EXD3: variants seen among roughly 807,000 people sequenced by gnomAD.
The protein encoded by EXD3 is exonuclease mut-7 homolog.
EXD3 carries 92 observed loss-of-function variants against 98.0 expected under a neutral mutation model. The ratio of observed to expected loss-of-function variants is 0.94; its 90% CI spans 0.79 to 1.12. The LOEUF is 1.12. Among genes scored for constraint, EXD3 ranks in the 50% most tolerant of loss-of-function variants. The pLI is 0.00. For synonymous variants in EXD3, 569 were observed against 526.0 expected, an observed-to-expected ratio of 1.08 and a Z score of -1.12; for missense variants, 1,222 against 1,191.6, an observed-to-expected ratio of 1.03 and a Z score of -0.38.
At chr9:137,363,584 T>C (rs1009049974) in intron 7 of EXD3, among the ~76,000 whole-genome samples, 2 of 151,998 alleles carry the variant, frequency 1.3e-5, no homozygotes, top group African/African-American at 4.8e-5. Context: ...GTGATCCGCC[T>C]GCCTCGGCCT....
At chr9:137,350,708 G>A (rs931317707) in intron 14 of EXD3, among the ~76,000 whole-genome samples, 3 of 151,514 alleles carry the variant, frequency 2.0e-5, no homozygotes, top group African/African-American at 4.9e-5. Flanking sequence ...TGGGGATCAC[G>A]GGGAGGGGGC....
rs113536945 is a variant in EXD3 at position 137,357,786 on chromosome 9, C to T, written c.657-1418G>A. ...TGAGTTTATTAAGTATTAACTCACA[C>T]GATCACAGGGTCCCACAATAGGCCA... On this transcript the variant is annotated intron_variant, in intron 7 of 21. Coordinates refer to ENST00000340951, the MANE Select transcript of EXD3 (RefSeq NM_017820.5). Among the ~76,000 whole-genome samples, 585 of 151,470 alleles carry T rather than the reference C, an allele frequency of 3.9e-3. 3 individuals carry two copies. The highest frequency in any genetic ancestry group is 0.013 in the African/African-American group (527 of 41,264).
chr9:137,346,757 C>T (rs113081539), intron 17 of EXD3, among the ~76,000 whole-genome samples: 6,564 of 143,962 alleles, frequency 0.046, 294 homozygotes, highest in Non-Finnish European at 0.062. Context: ...AAACTACTTC[C>T]GCATGTTTAG....
intron 3 of EXD3, chr9:137,374,784 G>A (rs1261599088): frequency 3.0e-5 from 30 of 985,348 alleles, no homozygotes; most frequent in South Asian, 4.7e-5. Flanking sequence ...AAGGAAAGCC[G>A]CCCTTAAACA....
Position 137,371,301 on chromosome 9 carries a change from G to T in EXD3, c.462+1604C>A, listed in dbSNP as rs1382073479. Among the ~76,000 whole-genome samples the T allele has an allele frequency of 6.6e-6, 1 of 152,210 alleles. No individual in the cohort carries two copies. The highest frequency in any genetic ancestry group is 1.5e-5 in the Non-Finnish European group (1 of 68,020). ...TCCATCCTGCATTGTCCTGTGCCGG[G>T]ACATGGTGGCTTCTCAGCGCCATGC... On this transcript the variant is annotated intron_variant, in intron 5 of 21. Transcript: ENST00000340951. The surrounding 1 kb of genome is among the most constrained non-coding windows in gnomAD (Gnocchi z 8.0).
rs1837250357 is a variant in EXD3 at position 137,397,038 on chromosome 9, AG to A, written c.-47-1635del. On this transcript the variant is annotated intron_variant, in intron 1 of 21. Transcript: ENST00000340951. ...CTGGGGCAGTGAGTGTGTGGGCAGG[AG>A]GACCCCCGAGCCTCCCAGGACCCGC... 4.6e-5 allele frequency among the ~76,000 whole-genome samples: 7 copies of A among 152,192 alleles called. No individual in the cohort carries two copies. The South Asian group carries it at 1.4e-3, about 31-fold the overall frequency.
In EXD3 at chr9:137,373,493, A is replaced by G. The variant is rs1564523469; in HGVS notation, c.227T>C (p.Leu76Pro). The change falls in exon 4 of 22, where the codon CTG becomes CCG. Residue 76 changes from leucine (L) to proline (P), a missense_variant. Coordinates refer to ENST00000340951, the MANE Select transcript of EXD3 (RefSeq NM_017820.5). ...CRGQRGEGPSLAAWISHQLQC... is the reference protein window; with the variant it reads ...CRGQRGEGPSPAAWISHQLQC... The stretch of plus-strand genomic sequence containing the variant: ...CAGCTGGTGGGAGATCCAGGCCGCC[A>G]GGGAGGGGCCCTCTCCCCGCTGGCC... The G allele has an allele frequency of 6.2e-7, 1 of 1,608,486 alleles. No homozygotes were observed. Among genetic ancestry groups the G allele is most frequent in the South Asian group, 1.1e-5 (1 of 90,250 alleles).
Position 137,355,613 on chromosome 9 carries a change from A to AG in EXD3, c.757+654dup, listed in dbSNP as rs1564508792. Among the ~76,000 whole-genome samples the AG allele has an allele frequency of 1.2e-4, 6 of 49,950 alleles. 1 individual carries two copies. Among genetic ancestry groups the AG allele is most frequent in the Non-Finnish European group, 1.4e-4 (4 of 27,976 alleles). 32.8% of individuals were successfully genotyped at this position (49,950 alleles called of 152,430 possible). A position where few individuals can be genotyped will look rare whatever the true frequency, so the allele number is the denominator to read the frequency against. Reference sequence around the variant, plus strand: ...GAAAGGGCGGAAGGAGAAAGGAGGAAGGAGGAAGGGAGGATGGAGGAAGGA... The same window carrying AG: ...GAAAGGGCGGAAGGAGAAAGGAGGAAGGGAGGAAGGGAGGATGGAGGAAGGA... On this transcript the variant is annotated intron_variant, in intron 8 of 21. Coordinates refer to ENST00000340951, the MANE Select transcript of EXD3 (RefSeq NM_017820.5).
intron 3 of EXD3, among the ~76,000 whole-genome samples, chr9:137,381,415 CAAAAAAA>C (rs61183889): frequency 3.9e-5 from 2 of 50,848 alleles, no homozygotes. Context: ...GACTCCTTCT[CAAAAAAA>C]AAAAAAAAAA....
intron 1 of EXD3, among the ~76,000 whole-genome samples, chr9:137,406,702 C>A (rs1450576743): frequency 1.3e-5 from 2 of 152,176 alleles, no homozygotes; most frequent in Non-Finnish European, 2.9e-5. Context: ...ACGGGCACTC[C>A]CAGCGGCTTC....
At chr9:137,325,077 T>A (rs892757681) in intron 17 of EXD3, among the ~76,000 whole-genome samples, 3 of 152,182 alleles carry the variant, frequency 2.0e-5, no homozygotes, top group Non-Finnish European at 4.4e-5. Context: ...TTATATATAT[T>A]TTTAAAAGTG....
At chr9:137,311,199 C>T (rs1388188163) in intron 19 of EXD3, among the ~76,000 whole-genome samples, 1 of 152,230 alleles carries the variant, frequency 6.6e-6, no homozygotes, top group East Asian at 1.9e-4. Context: ...TCCTCTTCCG[C>T]TAGCTCCCAT....
At chr9:137,313,974 C>A (rs1395768875) in intron 19 of EXD3, among the ~76,000 whole-genome samples, 1 of 152,138 alleles carries the variant, frequency 6.6e-6, no homozygotes. Context: ...GGGATGCTGG[C>A]GGGGGTCGCC....
intron 2 of EXD3, 54 bp from the exon 3 acceptor site, chr9:137,383,431 G>C: frequency 7.4e-7 from 1 of 1,353,506 alleles, no homozygotes; most frequent in Non-Finnish European, 1.0e-6. Context: ...AGGGGCTATC[G>C]CACAGCCCGC....
chr9:137,338,382 A>T (rs1833472535), intron 17 of EXD3, among the ~76,000 whole-genome samples: 1 of 152,214 alleles, frequency 6.6e-6, no homozygotes. Flanking sequence ...TAGCGCAGTG[A>T]AAACAATACT....
intron 8 of EXD3, 135 bp from the exon 9 acceptor site, chr9:137,354,908 C>G: frequency 1.2e-6 from 1 of 835,812 alleles, no homozygotes; most frequent in Non-Finnish European, 1.8e-6. Flanking sequence ...CGGAGCCCAC[C>G]CCCTCCTCAC....
intron 3 of EXD3, among the ~76,000 whole-genome samples, chr9:137,378,920 G>A (rs1836056706): frequency 2.0e-5 from 3 of 148,350 alleles, no homozygotes; most frequent in Admixed American, 6.7e-5. Flanking sequence ...GGGGAATGGG[G>A]CATCTGTGTG....
At chr9:137,355,573 AGGAAGGAGGAAGGAGAAAGGGC>A in intron 8 of EXD3, among the ~76,000 whole-genome samples, 1 of 53,774 alleles carries the variant, frequency 1.9e-5, no homozygotes, top group African/African-American at 8.1e-5. Flanking sequence ...GGGAGGATGG[AGGAAGGAGGAAGGAGAAAGGGC>A]GGAAGGAGAA....
rs1475557675 is a variant in EXD3, at chr9:137,395,005, A to G, written c.55+298T>C. 6.6e-6 allele frequency among the ~76,000 whole-genome samples: 1 copy of G among 152,050 alleles called. No homozygotes were observed. The highest frequency in any genetic ancestry group is 1.5e-5 in the Non-Finnish European group (1 of 67,980). ...GCTCCCACCTCTGCGGCCAGCCCTG[A>G]GCAGCTGCACTGTCCCCGCCACCTC... On this transcript the variant is annotated intron_variant, in intron 2 of 21. Transcript: ENST00000340951. This position sits in a 1 kb window ranked among gnomAD's most constrained non-coding sequence, Gnocchi z 6.5.
Sources: allele counts gnomAD v4.1 joint callset (sites outside exome capture counted in the v4.1 genomes callset), GRCh38; gene constraint gnomAD v4.1.1; non-coding constraint Gnocchi (gnomAD v3.1); transcripts MANE v1.5; gene names NCBI Gene and HGNC (gene_info 2026-07-23, HGNC 2026-07-21).